SVIL: variants seen among roughly 807,000 people sequenced by gnomAD.
SVIL encodes supervillin.
In SVIL, 101 loss-of-function variants were observed where a neutral mutation model predicts 240.4. That is an observed-to-expected ratio of 0.42 (90% confidence interval 0.36 to 0.50). SVIL has a LOEUF of 0.50. Ranked by LOEUF, SVIL falls within the 20% of genes least tolerant of loss-of-function variation. SVIL has a pLI of 0.01. For synonymous variants in SVIL, 999 were observed against 1,100.0 expected (o/e 0.91, Z 1.82); for missense variants, 2,512 against 2,818.7 (o/e 0.89, Z 2.46).
intron 2 of SVIL, among the ~76,000 whole-genome samples, chr10:29,666,796 A>G (rs1148215): frequency 0.037 from 5,702 of 152,328 alleles, 171 homozygotes; most frequent in Non-Finnish European, 0.054. Flanking sequence ...GGAAAGTCAT[A>G]TTCCGAGGTT....
chr10:29,513,189 G>A (rs1949975076), intron 16 of SVIL, among the ~76,000 whole-genome samples: 2 of 152,236 alleles, frequency 1.3e-5, no homozygotes, highest in South Asian at 2.1e-4. Flanking sequence ...AGAGAAAAAT[G>A]TCTTTTAGCG....
At chr10:29,687,773 A>C (rs1589515699) in intron 1 of SVIL, among the ~76,000 whole-genome samples, 1 of 152,008 alleles carries the variant, frequency 6.6e-6, no homozygotes, top group South Asian at 2.1e-4. Flanking sequence ...TAAATACTAA[A>C]CCTCCTGAAA....
intron 1 of SVIL, among the ~76,000 whole-genome samples, chr10:29,624,941 A>G (rs980519438): frequency 2.0e-5 from 3 of 152,198 alleles, no homozygotes; most frequent in Non-Finnish European, 4.4e-5. Context: ...GAACCAAGCA[A>G]TCTCTTTCAA....
At chr10:29,464,461 T>TAAAAATCA (rs1165889219) in intron 34 of SVIL, among the ~76,000 whole-genome samples, 3 of 151,902 alleles carry the variant, frequency 2.0e-5, no homozygotes, top group African/African-American at 7.2e-5. Context: ...TAAAAGGAAA[T>TAAAAATCA]AAAAATCAAA....
chr10:29,662,510 T>C (rs559242110), intron 2 of SVIL, among the ~76,000 whole-genome samples: 1 of 152,302 alleles, frequency 6.6e-6, no homozygotes, highest in African/African-American at 2.4e-5. Context: ...AAGGTCCCCA[T>C]TGATTGGAAC....
At chr10:29,613,782 A>G (rs1957335013) in intron 1 of SVIL, among the ~76,000 whole-genome samples, 1 of 152,308 alleles carries the variant, frequency 6.6e-6, no homozygotes, top group East Asian at 1.9e-4. Flanking sequence ...ATATGCAGAT[A>G]CTCACCTATA....
intron 1 of SVIL, chr10:29,576,149 T>C (rs973286): frequency 0.48 from 472,463 of 980,348 alleles, 114,624 homozygotes; most frequent in Admixed American, 0.55. Context: ...TGAAAGTGTA[T>C]GCTGTGAACG....
intron 2 of SVIL, among the ~76,000 whole-genome samples, chr10:29,666,010 T>G (rs1290442036): frequency 6.6e-6 from 1 of 152,210 alleles, no homozygotes; most frequent in Non-Finnish European, 1.5e-5. Context: ...TGGATGCATG[T>G]TACCAAGGGA....
intron 36 of SVIL, among the ~76,000 whole-genome samples, chr10:29,459,330 T>G (rs1358676739): frequency 2.0e-5 from 3 of 152,156 alleles, no homozygotes; most frequent in Non-Finnish European, 4.4e-5. Flanking sequence ...CTCTGACTTA[T>G]AGATCTTTTC....
chr10:29,534,322 G>A (rs1423010295), intron 7 of SVIL, among the ~76,000 whole-genome samples: 2 of 152,164 alleles, frequency 1.3e-5, no homozygotes, highest in Admixed American at 6.6e-5. Flanking sequence ...GGGCAACATA[G>A]TGAGATCTTG....
intron 2 of SVIL, among the ~76,000 whole-genome samples, chr10:29,672,760 AC>A (rs769392669): frequency 1.3e-4 from 19 of 144,982 alleles, no homozygotes; most frequent in Non-Finnish European, 2.6e-4. Flanking sequence ...TTATTTTAGC[AC>A]TGCTATTCCA....
intron 1 of SVIL, among the ~76,000 whole-genome samples, chr10:29,702,374 T>C (rs1962586761): frequency 6.6e-6 from 1 of 152,008 alleles, no homozygotes; most frequent in Admixed American, 6.6e-5. Flanking sequence ...TATGTCTCAC[T>C]GGATCTAAGA....
At chr10:29,506,782 C>A (rs576349899) in intron 17 of SVIL, among the ~76,000 whole-genome samples, 1 of 141,980 alleles carries the variant, frequency 7.0e-6, no homozygotes, top group South Asian at 2.3e-4. Flanking sequence ...AGGGAAAGGA[C>A]AGAGGCCCTA....
intron 29 of SVIL, among the ~76,000 whole-genome samples, chr10:29,477,972 CT>C (rs913324809): frequency 1.3e-5 from 2 of 152,108 alleles, no homozygotes; most frequent in Non-Finnish European, 2.9e-5. Flanking sequence ...CTCACAATTA[CT>C]TTTTTTTCTC....
At position 29,463,610 on chromosome 10, in the gene SVIL, G is replaced by C. The variant is rs762885221; in HGVS notation, c.6159C>G (p.His2053Gln). 6.2e-7 allele frequency: 1 copy of C among 1,614,130 alleles called. No homozygotes were observed. The highest frequency in any genetic ancestry group is 1.1e-5 in the South Asian group (1 of 91,084). Residue 2053 changes from histidine (H) to glutamine (Q), a missense_variant, in exon 35 of 38, where the codon CAC becomes CAG. Physicochemically the swap from His to Gln is conservative, Grantham distance 24. Transcript: ENST00000355867. ...ACCAGCCTTGCCAGAGGTACACCTC[G>C]TGGTGATTGTCAACAAGGAAAAGTG... ...QPALFLVDNH[H>Q]EVYLWQGWWP...
chr10:29,630,065 T>C (rs1958025251), intron 1 of SVIL, among the ~76,000 whole-genome samples: 1 of 151,932 alleles, frequency 6.6e-6, no homozygotes, highest in Non-Finnish European at 1.5e-5. Context: ...TGGCATGTTA[T>C]TATTGTTCAT....
intron 1 of SVIL, among the ~76,000 whole-genome samples, chr10:29,729,182 C>T (rs968299295): frequency 6.6e-6 from 1 of 152,096 alleles, no homozygotes; most frequent in African/African-American, 2.4e-5. Context: ...ACCCCAAGGA[C>T]CATGATGTTG....
chr10:29,458,086 A>G lies in SVIL; in HGVS notation c.*161T>C, dbSNP rs1339537240. ...CAGTTCCCTTGAACATTTACAAAAT[A>G]CACAACTCCGGGACAAGCAGTATCT... On this transcript the variant is annotated 3_prime_UTR_variant, in exon 38 of 38. Transcript: ENST00000355867. The G allele has an allele frequency of 2.9e-6, 2 of 690,498 alleles. No individual in the cohort carries two copies. The highest frequency in any genetic ancestry group is 4.7e-6 in the Non-Finnish European group (2 of 421,120). 42.8% of individuals were successfully genotyped at this position (690,498 alleles called of 1,614,324 possible).
intron 14 of SVIL, 146 bp downstream of exon 14, chr10:29,524,326 A>G: frequency 7.6e-7 from 1 of 1,312,320 alleles, no homozygotes; most frequent in East Asian, 2.3e-5. Flanking sequence ...TCTCATTTTT[A>G]GGAAGAAAGC....
Sources: allele counts gnomAD v4.1 joint callset (sites outside exome capture counted in the v4.1 genomes callset), GRCh38; gene constraint gnomAD v4.1.1; transcripts MANE v1.5; gene names NCBI Gene and HGNC (gene_info 2026-07-23, HGNC 2026-07-21).